Variants in EXOC4 observed in about 807,000 individuals in gnomAD.
The protein encoded by EXOC4 is SEC8-like 1.
EXOC4 carries 71 observed loss-of-function variants against 107.2 expected under a neutral mutation model. The observed-to-expected ratio is 0.66, with a 90% CI of 0.55 to 0.81. The LOEUF (loss-of-function observed/expected upper bound fraction) is 0.81, where lower values mean the gene tolerates loss of function less well. Among genes scored for constraint, EXOC4 ranks in the 30% least tolerant of loss-of-function variants. The probability of loss-of-function intolerance (pLI) is 0.00; values close to 1 mark genes in which losing one functional copy is unlikely to be tolerated. For synonymous variants in EXOC4, 456 were observed against 441.2 expected, an observed-to-expected ratio of 1.03 and a Z score of -0.42; for missense variants, 1,108 against 1,189.6, an observed-to-expected ratio of 0.93 and a Z score of 1.01.
intron 5 of EXOC4, among the ~76,000 whole-genome samples, chr7:133,350,204 T>G (rs1413623485): frequency 6.6e-6 from 1 of 152,116 alleles, no homozygotes; most frequent in Non-Finnish European, 1.5e-5. Flanking sequence ...TTTTTTCTTT[T>G]ATTGCTTGTG....
chr7:133,574,034 T>A (rs180858039), intron 9 of EXOC4, among the ~76,000 whole-genome samples: 2 of 152,370 alleles, frequency 1.3e-5, no homozygotes, highest in East Asian at 3.9e-4. Flanking sequence ...ATTCTCACAG[T>A]GCTTCTTAAT....
intron 2 of EXOC4, among the ~76,000 whole-genome samples, chr7:133,287,560 G>A (rs960031888): frequency 2.2e-4 from 33 of 152,010 alleles, no homozygotes; most frequent in African/African-American, 7.3e-4. Context: ...TGATCCACCC[G>A]CCTCGGCCTC....
At chr7:133,445,812 G>GTA (rs1293301359) in intron 7 of EXOC4, among the ~76,000 whole-genome samples, 1 of 151,834 alleles carries the variant, frequency 6.6e-6, no homozygotes, top group East Asian at 1.9e-4. Context: ...AGGAGTTTAA[G>GTA]AACAGCCTGG....
At chr7:133,764,080 T>C (rs1195792566) in intron 10 of EXOC4, among the ~76,000 whole-genome samples, 1 of 152,076 alleles carries the variant, frequency 6.6e-6, no homozygotes, top group Non-Finnish European at 1.5e-5. Flanking sequence ...CACTCCCTTA[T>C]AGGTTAGTTG....
At chr7:134,058,594 T>C (rs148990262) in intron 17 of EXOC4, among the ~76,000 whole-genome samples, 1 of 152,206 alleles carries the variant, frequency 6.6e-6, no homozygotes, top group African/African-American at 2.4e-5. Flanking sequence ...TCAAATCCAG[T>C]GTTGTTCAGA....
At chr7:133,821,898 AATG>A (rs1797530616) in intron 11 of EXOC4, among the ~76,000 whole-genome samples, 1 of 152,222 alleles carries the variant, frequency 6.6e-6, no homozygotes, top group South Asian at 2.1e-4. Context: ...TGAATGAATG[AATG>A]ATGACTTCCT....
chr7:133,594,493 C>CTTTTT lies in EXOC4; in HGVS notation c.1418-35536_1418-35532dup, dbSNP rs532692119. 3.2e-4 allele frequency among the ~76,000 whole-genome samples: 29 copies of CTTTTT among 90,350 alleles called. 3 individuals carry two copies. The highest frequency in any genetic ancestry group is 9.0e-4 in the South Asian group (2 of 2,214). 59.3% of individuals were successfully genotyped at this position (90,350 alleles called of 152,430 possible). ...AGACAAGAAATACATAAGCTTGAGT[C>CTTTTT]TTTTTTTTTTTTTTTTTTTTGAGAC... On this transcript the variant is annotated intron_variant, in intron 9 of 17. Transcript: ENST00000253861.
intron 5 of EXOC4, among the ~76,000 whole-genome samples, chr7:133,333,216 A>G (rs999881394): frequency 5.3e-5 from 8 of 152,114 alleles, no homozygotes; most frequent in South Asian, 2.1e-4. Flanking sequence ...ACTTTGTTCT[A>G]TGACTTGTAA....
At chr7:133,409,058 CT>C (rs1797295733) in intron 7 of EXOC4, among the ~76,000 whole-genome samples, 1 of 152,132 alleles carries the variant, frequency 6.6e-6, no homozygotes, top group Non-Finnish European at 1.5e-5. Flanking sequence ...TCGGATAAAC[CT>C]CCCAGTAGGT....
At chr7:133,635,781 C>T (rs560520326) in intron 10 of EXOC4, among the ~76,000 whole-genome samples, 83 of 152,276 alleles carry the variant, frequency 5.5e-4, no homozygotes, top group African/African-American at 1.8e-3. Context: ...GGAAACCTTC[C>T]GAGTCCTCAC....
chr7:133,637,939 A>G (rs1802753434), intron 10 of EXOC4, among the ~76,000 whole-genome samples: 1 of 152,174 alleles, frequency 6.6e-6, no homozygotes, highest in Non-Finnish European at 1.5e-5. Flanking sequence ...CAACCCATGT[A>G]TCTATGCACA....
At position 133,823,884 on chromosome 7, in the gene EXOC4, A is replaced by ATATATAAAT. The variant is rs1797620719; in HGVS notation, c.1734+6346_1734+6347insAATTATATA. ...ATATATATATATATTATATATATAT[A>ATATATAAAT]TATATATATTTTATATATATATATA... is the stretch of plus-strand genomic sequence containing the variant. On this transcript the variant is annotated intron_variant, in intron 11 of 17. Coordinates refer to ENST00000253861, the MANE Select transcript of EXOC4 (RefSeq NM_021807.4). Among the ~76,000 whole-genome samples, 11 of 21,666 alleles carry ATATATAAAT rather than the reference A, an allele frequency of 5.1e-4. No homozygotes were observed. In the African/African-American group the frequency reaches 6.8e-3, roughly 13 times the overall value. 14.2% of individuals were successfully genotyped at this position (21,666 alleles called of 152,430 possible).
intron 7 of EXOC4, among the ~76,000 whole-genome samples, chr7:133,401,189 TA>T (rs1797081463): frequency 1.3e-5 from 2 of 151,444 alleles, no homozygotes; most frequent in African/African-American, 4.9e-5. Context: ...TTTTTTTTTT[TA>T]AACTTGGCAG....
intron 6 of EXOC4, among the ~76,000 whole-genome samples, chr7:133,372,333 G>C (rs1796395579): frequency 6.6e-6 from 1 of 152,162 alleles, no homozygotes; most frequent in Non-Finnish European, 1.5e-5. Flanking sequence ...AGAGCTGCAA[G>C]TTCCTAGCTA....
intron 11 of EXOC4, among the ~76,000 whole-genome samples, chr7:133,828,997 A>G (rs1435495925): frequency 6.6e-6 from 1 of 152,220 alleles, no homozygotes; most frequent in East Asian, 1.9e-4. Context: ...AGAGCTGAGG[A>G]GAGAGACACA....
chr7:133,645,313 C>CT (rs1440204588), intron 10 of EXOC4, among the ~76,000 whole-genome samples: 1 of 151,732 alleles, frequency 6.6e-6, no homozygotes, highest in African/African-American at 2.4e-5. Context: ...AGGATGGTCT[C>CT]TATCTCCTGA....
intron 10 of EXOC4, among the ~76,000 whole-genome samples, chr7:133,753,037 C>T (rs1018421671): frequency 6.6e-6 from 1 of 152,214 alleles, no homozygotes; most frequent in Non-Finnish European, 1.5e-5. Flanking sequence ...TCCACTTCTG[C>T]AACACCATTC....
At chr7:133,357,985 C>T (rs1264651815) in intron 6 of EXOC4, among the ~76,000 whole-genome samples, 7 of 151,990 alleles carry the variant, frequency 4.6e-5, no homozygotes, top group South Asian at 2.1e-4. Flanking sequence ...GTCAGGAGTT[C>T]GAGAGCAGCC....
chr7:133,279,487 T>A (rs1390442610), intron 2 of EXOC4, among the ~76,000 whole-genome samples: 1 of 152,162 alleles, frequency 6.6e-6, no homozygotes, highest in African/African-American at 2.4e-5. Flanking sequence ...TATTTGTGCA[T>A]TGTCACCTTT....
Sources: gnomAD v4.1 joint callset for allele counts (sites outside exome capture counted in the v4.1 genomes callset) on GRCh38, gnomAD v4.1.1 for gene constraint, MANE v1.5 for transcripts, NCBI Gene and HGNC (gene_info 2026-07-23, HGNC 2026-07-21) for gene names.